CNTNAP2: variants seen among roughly 807,000 people sequenced by gnomAD.
CNTNAP2 encodes contactin associated protein 2, also known as contactin-associated protein-like 2.
CNTNAP2 carries 98 observed loss-of-function variants against 155.2 expected under a neutral mutation model. The observed-to-expected ratio is 0.63, with a 90% confidence interval of 0.54 to 0.75. The LOEUF is 0.75. CNTNAP2 is among the 30% of genes least tolerant of loss of function. The pLI is 0.00. For missense variants in CNTNAP2, 1,727 were observed against 1,688.1 expected, an observed-to-expected ratio of 1.02 and a Z score of -0.40; for synonymous variants, 651 against 631.2, an observed-to-expected ratio of 1.03 and a Z score of -0.47.
chr7:147,144,815 G>C (rs558379152), intron 8 of CNTNAP2, among the ~76,000 whole-genome samples: 16 of 152,316 alleles, frequency 1.1e-4, no homozygotes, highest in African/African-American at 3.6e-4. Context: ...AATGTGAGCT[G>C]TATTCCTGTA....
chr7:147,913,914 G>A (rs373019332), intron 14 of CNTNAP2, among the ~76,000 whole-genome samples: 40 of 152,192 alleles, frequency 2.6e-4, no homozygotes, highest in South Asian at 4.1e-4. Context: ...TATGACTGAG[G>A]TTACTTTTTT....
At chr7:148,193,465 A>T (rs1005494829) in intron 18 of CNTNAP2, among the ~76,000 whole-genome samples, 6 of 152,222 alleles carry the variant, frequency 3.9e-5, no homozygotes, top group African/African-American at 1.2e-4. Flanking sequence ...CAACATTGTC[A>T]TGAAATACAC....
intron 13 of CNTNAP2, among the ~76,000 whole-genome samples, chr7:147,876,631 A>AT (rs34343974): frequency 1.3e-5 from 2 of 151,578 alleles, no homozygotes; most frequent in Non-Finnish European, 2.9e-5. Context: ...TTCCCTCCAC[A>AT]TTTTTTTTTA....
intron 1 of CNTNAP2, among the ~76,000 whole-genome samples, chr7:146,529,374 G>T (rs903698483): frequency 2.0e-5 from 3 of 152,102 alleles, no homozygotes; most frequent in African/African-American, 7.2e-5. Context: ...CAGTCTCTGT[G>T]TCCAGAGCAG....
At chr7:146,147,906 T>C (rs1797979181) in intron 1 of CNTNAP2, among the ~76,000 whole-genome samples, 1 of 152,166 alleles carries the variant, frequency 6.6e-6, no homozygotes, top group Admixed American at 6.6e-5. Context: ...AAATTTTAAA[T>C]ATGCCCTGTT....
chr7:146,568,937 A>C (rs572208697), intron 1 of CNTNAP2, among the ~76,000 whole-genome samples: 1 of 152,016 alleles, frequency 6.6e-6, no homozygotes. Flanking sequence ...GGGTGTCCCA[A>C]AGTCACGCAA....
chr7:147,033,992 G>A (rs1799096516), intron 3 of CNTNAP2, among the ~76,000 whole-genome samples: 1 of 152,042 alleles, frequency 6.6e-6, no homozygotes, highest in Non-Finnish European at 1.5e-5. Context: ...CAGGACATAT[G>A]CAGAGTAGCA....
chr7:146,847,959 AT>A, intron 3 of CNTNAP2, among the ~76,000 whole-genome samples: 1 of 152,292 alleles, frequency 6.6e-6, no homozygotes, highest in Non-Finnish European at 1.5e-5. Flanking sequence ...GAAATAACCC[AT>A]TTTTGTCTAC....
intron 1 of CNTNAP2, among the ~76,000 whole-genome samples, chr7:146,154,411 A>G (rs1798095291): frequency 6.6e-6 from 1 of 152,214 alleles, no homozygotes; most frequent in Non-Finnish European, 1.5e-5. Context: ...CATATGCACC[A>G]GAACAAATAC....
intron 1 of CNTNAP2, among the ~76,000 whole-genome samples, chr7:146,538,631 T>G (rs77441987): frequency 3.2e-4 from 48 of 152,074 alleles, no homozygotes; most frequent in Non-Finnish European, 6.3e-4. Flanking sequence ...GGTCTCTTTA[T>G]CTGACAGAGA....
At chr7:147,313,040 T>A (rs1338283168) in intron 9 of CNTNAP2, among the ~76,000 whole-genome samples, 1 of 134,432 alleles carries the variant, frequency 7.4e-6, no homozygotes, top group Non-Finnish European at 1.5e-5. Context: ...TCATGTGTCT[T>A]TTGGCTGCAT....
In CNTNAP2 at chr7:148,326,006, C is replaced by T. The variant is rs1428100325; in HGVS notation, c.3476-57643C>T. ...GTACCTCCTTCTGTTTTTGGACTTACCTGTTGTCTTTCTCCAACCTGGAGA... is the reference window on the plus strand; with the variant it reads ...GTACCTCCTTCTGTTTTTGGACTTATCTGTTGTCTTTCTCCAACCTGGAGA... On this transcript the variant is annotated intron_variant, in intron 21 of 23. Transcript: ENST00000361727. Among the ~76,000 whole-genome samples the T allele has an allele frequency of 3.3e-5, 5 of 152,274 alleles. No individual in the cohort carries two copies. In the East Asian group the frequency reaches 9.6e-4, roughly 29 times the overall value.
intron 3 of CNTNAP2, among the ~76,000 whole-genome samples, chr7:146,841,905 G>A (rs540667331): frequency 2.7e-5 from 4 of 149,754 alleles, no homozygotes; most frequent in Admixed American, 1.3e-4. Context: ...TTTTTGAGAC[G>A]GAATTTTGCT....
chr7:148,083,552 G>A (rs1803657288), intron 15 of CNTNAP2, among the ~76,000 whole-genome samples: 1 of 152,174 alleles, frequency 6.6e-6, no homozygotes, highest in African/African-American at 2.4e-5. Flanking sequence ...TTTACTCCCT[G>A]AAGAGACTAG....
At chr7:147,676,079 G>C (rs959811733) in intron 13 of CNTNAP2, among the ~76,000 whole-genome samples, 29 of 152,088 alleles carry the variant, frequency 1.9e-4, no homozygotes, top group Admixed American at 5.9e-4. Flanking sequence ...TTTCTAATTA[G>C]AGTAATTCCA....
At chr7:146,838,069 T>C (rs752973217) in intron 2 of CNTNAP2, among the ~76,000 whole-genome samples, 1 of 152,194 alleles carries the variant, frequency 6.6e-6, no homozygotes, top group Admixed American at 6.5e-5. Context: ...CTGTGCCCTC[T>C]CTGGGACTCT....
chr7:147,647,224 C>T (rs1390213847), intron 13 of CNTNAP2, among the ~76,000 whole-genome samples: 2 of 151,610 alleles, frequency 1.3e-5, no homozygotes, highest in African/African-American at 4.8e-5. Context: ...TGGTCTAGAA[C>T]TCCTGAGCTC....
Position 147,560,168 on chromosome 7 carries a change from C to CAAAAAAAAAAAAAAAAAAAAAAA in CNTNAP2, c.1778-1969_1778-1947dup, listed in dbSNP as rs71183016. 1.8e-3 allele frequency among the ~76,000 whole-genome samples: 94 copies of CAAAAAAAAAAAAAAAAAAAAAAA among 52,806 alleles called. 3 individuals are homozygous for CAAAAAAAAAAAAAAAAAAAAAAA. Among genetic ancestry groups the CAAAAAAAAAAAAAAAAAAAAAAA allele is most frequent in the African/African-American group, 3.4e-3 (48 of 14,304 alleles). 34.6% of individuals were successfully genotyped at this position (52,806 alleles called of 152,430 possible). ...GGGCAACAAGAACGAAACTCCGTCT[C>CAAAAAAAAAAAAAAAAAAAAAAA]AAAAAAAAAAAAAAAAAAAAAAATT... On this transcript the variant is annotated intron_variant, in intron 11 of 23. Coordinates refer to ENST00000361727, the MANE Select transcript of CNTNAP2 (RefSeq NM_014141.6).
At chr7:146,404,141 A>AAAAAAAC (rs1367526173) in intron 1 of CNTNAP2, among the ~76,000 whole-genome samples, 56 of 147,394 alleles carry the variant, frequency 3.8e-4, no homozygotes, top group African/African-American at 1.3e-3. Flanking sequence ...AAAAAAAAAA[A>AAAAAAAC]ACAAAGAACT....
Sources: gnomAD v4.1 joint callset for allele counts (sites outside exome capture counted in the v4.1 genomes callset) on GRCh38, gnomAD v4.1.1 for gene constraint, MANE v1.5 for transcripts, NCBI Gene and HGNC (gene_info 2026-07-23, HGNC 2026-07-21) for gene names.